The following TLE6 variants were observed in gnomAD, a reference collection of about 807,000 sequenced individuals.
The protein encoded by TLE6 is transducin-like enhancer protein 6.
Under a neutral mutation model 77.1 loss-of-function variants are expected in TLE6, and 72 were observed. The ratio of observed to expected loss-of-function variants is 0.93; its 90% confidence interval spans 0.77 to 1.14. TLE6 has a LOEUF of 1.14. TLE6 is among the 50% of genes most tolerant of loss of function. The pLI is 0.00. For synonymous variants in TLE6, 366 were observed against 287.3 expected (o/e 1.27, Z -2.77); for missense variants, 843 against 747.6 (o/e 1.13, Z -1.49).
At chr19:2,979,320 C>T (rs1267940516) in intron 2 of TLE6, among the ~76,000 whole-genome samples, 1 of 151,662 alleles carries the variant, frequency 6.6e-6, no homozygotes, top group Non-Finnish European at 1.5e-5. Context: ...GATCTCGGCT[C>T]ACTGCAACCT....
chr19:2,988,491 G>A (rs924604081), intron 11 of TLE6, among the ~76,000 whole-genome samples: 29 of 152,168 alleles, frequency 1.9e-4, no homozygotes, highest in African/African-American at 5.5e-4. Flanking sequence ...CCAGCTACTC[G>A]GGAGGCTGAG....
chr19:2,988,210 A>G (rs935201959), intron 11 of TLE6, 82 bp downstream of exon 11: 7 of 1,391,232 alleles, frequency 5.0e-6, no homozygotes, highest in Non-Finnish European at 7.0e-6. Flanking sequence ...TTCCCGACAC[A>G]TAGAGGGGAA....
In TLE6 at chr19:2,981,535, C is replaced by A; in HGVS notation, c.135-3C>A. 6.4e-7 allele frequency: 1 copy of A among 1,551,568 alleles called. No individual in the cohort carries two copies. The highest frequency in any genetic ancestry group is 1.7e-4 in the Middle Eastern group (1 of 5,990). On this transcript the variant is annotated splice_region_variant and splice_polypyrimidine_tract_variant and intron_variant, in intron 3 of 16. Coordinates refer to ENST00000246112, the MANE Select transcript of TLE6 (RefSeq NM_001143986.2). Reference sequence around the variant, plus strand: ...CTTCCAGCCTGTCCTCCTTCCCCCTCAGGTTTTCTCCTCATTTTGCTGCGG... The same window carrying A: ...CTTCCAGCCTGTCCTCCTTCCCCCTAAGGTTTTCTCCTCATTTTGCTGCGG...
Position 2,982,199 on chromosome 19 carries a change from C to T in TLE6, c.222+10C>T, listed in dbSNP as rs1473528151. On this transcript the variant is annotated intron_variant, in intron 5 of 16. Transcript: ENST00000246112. ...AGAACATCACAAGCAGGTGGGTGAC[C>T]AGGAGCTCAGGGGTGCGGCTGTCCC... The T allele has an allele frequency of 2.6e-6, 4 of 1,551,112 alleles. No homozygotes were observed. The highest frequency in any genetic ancestry group is 2.6e-6 in the Non-Finnish European group (3 of 1,146,868).
intron 5 of TLE6, among the ~76,000 whole-genome samples, chr19:2,986,135 G>A (rs1337709438): frequency 4.1e-5 from 6 of 144,708 alleles, no homozygotes; most frequent in South Asian, 2.2e-4. Context: ...GCGATAGGCC[G>A]GATGCGGTGG....
At chr19:2,987,268 G>T (rs2088935277) in intron 7 of TLE6, 30 bp downstream of exon 7, 2 of 1,614,048 alleles carry the variant, frequency 1.2e-6, no homozygotes, top group African/African-American at 1.3e-5. Context: ...AGGGGGAAGG[G>T]GCAGCCACAG....
intron 2 of TLE6, among the ~76,000 whole-genome samples, chr19:2,978,960 TTTA>T (rs1298319019): frequency 6.6e-6 from 1 of 152,108 alleles, no homozygotes; most frequent in African/African-American, 2.4e-5. Context: ...ACTTTATGAT[TTTA>T]TTATGTTTGA....
chr19:2,987,582 ACT>A (rs1386411388), intron 8 of TLE6, 140 bp from the exon 9 acceptor site: 9 of 1,126,944 alleles, frequency 8.0e-6, no homozygotes, highest in African/African-American at 1.5e-5. Context: ...CTATACCCTG[ACT>A]CTCTCTCTGC....
chr19:2,988,929 G>C, intron 11 of TLE6, 132 bp from the exon 12 acceptor site: 1 of 1,252,944 alleles, frequency 8.0e-7, no homozygotes, highest in Non-Finnish European at 1.1e-6. Flanking sequence ...GGGGAGTCTA[G>C]AGGGTAAAAC....
chr19:2,986,110 A>C (rs2088904607), intron 5 of TLE6, among the ~76,000 whole-genome samples: 1 of 121,140 alleles, frequency 8.3e-6, no homozygotes, highest in South Asian at 2.9e-4. Context: ...AAAAAAAAAA[A>C]GATATATGCC....
In TLE6 at chr19:2,994,892, C is replaced by G. The variant is rs758994719; in HGVS notation, c.1615-8C>G. 19 of 1,576,866 alleles carry G rather than the reference C, an allele frequency of 1.2e-5. No individual in the cohort carries two copies. The highest frequency in any genetic ancestry group is 1.1e-4 in the East Asian group (5 of 44,192). ...ACCCCAGCTCACTGCCCACTGCCCC[C>G]CCTCCAGGTGCCTGAGATGTCTCCA... On this transcript the variant is annotated splice_region_variant and splice_polypyrimidine_tract_variant and intron_variant, in intron 16 of 16. Coordinates refer to ENST00000246112, the MANE Select transcript of TLE6 (RefSeq NM_001143986.2).
At position 2,994,211 on chromosome 19, in the gene TLE6, C is replaced by T; in HGVS notation, c.1614+116C>T. On this transcript the variant is annotated intron_variant, in intron 16 of 16. Transcript: ENST00000246112. Reference sequence around the variant, plus strand: ...TAAAAAGTAGCCAGGTGTGGTGGCTCACGGCTTTAATCCCAGCATTTTGGG... The same window carrying T: ...TAAAAAGTAGCCAGGTGTGGTGGCTTACGGCTTTAATCCCAGCATTTTGGG... 1.1e-5 allele frequency: 9 copies of T among 820,240 alleles called. 1 individual carries two copies. Among genetic ancestry groups the T allele is most frequent in the South Asian group, 1.1e-4 (6 of 57,046 alleles). The allele number at this position is 820,240 out of a possible 1,614,324, so 50.8% of individuals were successfully genotyped here.
At chr19:2,992,259 G>C (rs2089085681) in intron 14 of TLE6, among the ~76,000 whole-genome samples, 1 of 152,144 alleles carries the variant, frequency 6.6e-6, no homozygotes, top group African/African-American at 2.4e-5. Flanking sequence ...AATCACCTGA[G>C]GTCGGGAGTT....
chr19:2,995,066 C>A lies in TLE6; in HGVS notation c.*62C>A, dbSNP rs1481690550. The A allele has an allele frequency of 5.9e-6, 6 of 1,010,268 alleles. No homozygotes were observed. The highest frequency in any genetic ancestry group is 1.4e-5 in the South Asian group (1 of 69,910). The allele number at this position is 1,010,268 out of a possible 1,614,324, so 62.6% of individuals were successfully genotyped here. On this transcript the variant is annotated 3_prime_UTR_variant, in exon 17 of 17. Transcript: ENST00000246112. ...TTTCATCCCCCCCCTTCCCCCCCCC[C>A]AACAAGGGGGACATGGTGGAGGGAA...
chr19:2,987,934 A>AG lies in TLE6; in HGVS notation c.665dup (p.Ser223PhefsTer30), dbSNP rs765448750. On this transcript the variant is annotated frameshift_variant, in exon 10 of 17. Coordinates refer to ENST00000246112, the MANE Select transcript of TLE6 (RefSeq NM_001143986.2). LOFTEE classifies it high-confidence loss of function. ...CCTGAGGCCTCCTCCAGTCCCCCTG[A>AG]GGGTTCCCAAGACAGGAACACAAGT... 1.6e-5 allele frequency: 26 copies of AG among 1,610,532 alleles called. No homozygotes were observed. Among genetic ancestry groups the AG allele is most frequent in the Non-Finnish European group, 2.1e-5 (25 of 1,177,804 alleles).
intron 12 of TLE6, 90 bp from the exon 13 acceptor site, chr19:2,989,445 G>A: frequency 1.9e-6 from 3 of 1,568,286 alleles, no homozygotes; most frequent in Admixed American, 1.8e-5. Context: ...GGAACCTAAA[G>A]GATGAATAGG....
rs1487334518 is a variant in TLE6 at position 2,992,793 on chromosome 19, A to ACGGGGG, written c.1387-639_1387-638insCGGGGG. Among the ~76,000 whole-genome samples, 24 of 19,752 alleles carry ACGGGGG rather than the reference A, an allele frequency of 1.2e-3. 4 individuals are homozygous for ACGGGGG. Among genetic ancestry groups the ACGGGGG allele is most frequent in the African/African-American group, 5.4e-3 (21 of 3,876 alleles). 13.0% of individuals were successfully genotyped at this position (19,752 alleles called of 152,430 possible). A position where few individuals can be genotyped will look rare whatever the true frequency, so the allele number is the denominator to read the frequency against. On this transcript the variant is annotated intron_variant, in intron 14 of 16. Transcript: ENST00000246112. ...AGACCCTGTCTCAAAAAAAAAAAAA[A>ACGGGGG]GGGGGGGAGGCGGGTGGGGGGGGGG...
rs974814175 is a variant in TLE6, at chr19:2,993,332, A to T, written c.1387-100A>T. On this transcript the variant is annotated intron_variant, in intron 14 of 16. Coordinates refer to ENST00000246112, the MANE Select transcript of TLE6 (RefSeq NM_001143986.2). ...AGGGCTGCACAGCTAGGAAGGGGTC[A>T]GTCACCCGGCCTCCAGGATAGGTCC... is the stretch of plus-strand genomic sequence containing the variant. 2.0e-5 allele frequency: 26 copies of T among 1,292,192 alleles called. No homozygotes were observed. The African/African-American group carries it at 2.5e-4, about 12-fold the overall frequency. 80.0% of individuals were successfully genotyped at this position (1,292,192 alleles called of 1,614,324 possible). A position where few individuals can be genotyped will look rare whatever the true frequency, so the allele number is the denominator to read the frequency against.
At position 2,987,125 on chromosome 19, in the gene TLE6, A is replaced by T; in HGVS notation, c.428A>T (p.Glu143Val). The change falls in exon 7 of 17, where the codon GAG becomes GTG. Residue 143 changes from glutamate (E) to valine (V), a missense_variant. Glu to Val is a moderately radical substitution (Grantham distance 121). Transcript: ENST00000246112. ...CCTTTGGGGGAGGACAATCAGCCGG[A>T]GACCCAGCTGTTCTGGGACAAGGAG... The part of the protein sequence containing the change: ...RRPLGEDNQP[E>V]TQLFWDKEPW... The T allele has an allele frequency of 6.2e-7, 1 of 1,614,124 alleles. No homozygotes were observed.
Sources: allele counts gnomAD v4.1 joint callset (sites outside exome capture counted in the v4.1 genomes callset), GRCh38; gene constraint gnomAD v4.1.1; transcripts MANE v1.5; gene names NCBI Gene and HGNC (gene_info 2026-07-23, HGNC 2026-07-21).